Variants in SPIRE2 observed in about 807,000 individuals in gnomAD.
SPIRE2 encodes the protein spire type actin nucleation factor 2, also known as protein spire homolog 2.
SPIRE2 carries 76 observed loss-of-function variants against 80.7 expected under a neutral mutation model. That is an observed-to-expected ratio of 0.94 (90% CI 0.78 to 1.14). The LOEUF (loss-of-function observed/expected upper bound fraction) is 1.14, where lower values mean the gene tolerates loss of function less well. SPIRE2 is among the 50% of genes most tolerant of loss of function. SPIRE2 has a pLI of 0.00. For missense variants in SPIRE2, 1,196 were observed against 1,015.3 expected (o/e 1.18, Z -2.42); for synonymous variants, 535 against 432.6 (o/e 1.24, Z -2.94).
intron 1 of SPIRE2, among the ~76,000 whole-genome samples, chr16:89,842,208 A>ATGTTTTTT (rs2041512449): frequency 1.2e-5 from 1 of 81,306 alleles, no homozygotes; most frequent in African/African-American, 6.1e-5. Context: ...TGAACACGTA[A>ATGTTTTTT]TTTTTTTTTT....
chr16:89,854,307 G>T lies in SPIRE2; in HGVS notation c.667G>T (p.Asp223Tyr). 1 of 1,612,234 alleles carries T rather than the reference G, an allele frequency of 6.2e-7. No homozygotes were observed. The highest frequency in any genetic ancestry group is 8.5e-7 in the Non-Finnish European group (1 of 1,179,740). The change falls in exon 4 of 15, where the codon GAC (aspartate) becomes TAC (tyrosine). Residue 223 changes from aspartate (D) to tyrosine (Y), a missense_variant. Coordinates refer to ENST00000378247, the MANE Select transcript of SPIRE2 (RefSeq NM_032451.2). ...ACAGATGCTGCAGAAGCTTCGGGAG[G>T]ACGAGCCGCATCTGGAGACGCCTCG... ...AKEMLQKLREDEPHLETPRAE... is the reference protein window; with the variant it reads ...AKEMLQKLREYEPHLETPRAE...
chr16:89,829,124 G>A (rs746548433), intron 1 of SPIRE2, among the ~76,000 whole-genome samples: 45 of 152,232 alleles, frequency 3.0e-4, no homozygotes, highest in Non-Finnish European at 5.3e-4. Context: ...GGTGGCTCAG[G>A]GAGCACGGAG....
intron 1 of SPIRE2, among the ~76,000 whole-genome samples, chr16:89,841,386 G>A (rs2041504060): frequency 6.6e-6 from 1 of 152,224 alleles, no homozygotes; most frequent in Middle Eastern, 3.4e-3. Flanking sequence ...CTCTACCCTG[G>A]AGAGAATTTT....
intron 12 of SPIRE2, among the ~76,000 whole-genome samples, chr16:89,865,339 G>C (rs2041780129): frequency 6.6e-6 from 1 of 152,046 alleles, no homozygotes; most frequent in South Asian, 2.1e-4. Flanking sequence ...ACTATGGTAA[G>C]GTGAATCACT....
chr16:89,837,848 A>G (rs570406551), intron 1 of SPIRE2, among the ~76,000 whole-genome samples: 5 of 152,182 alleles, frequency 3.3e-5, no homozygotes, highest in Non-Finnish European at 5.9e-5. Flanking sequence ...TGAGACGAGC[A>G]CTGGCGGAAG....
At chr16:89,841,935 T>A (rs2041509708) in intron 1 of SPIRE2, among the ~76,000 whole-genome samples, 1 of 151,422 alleles carries the variant, frequency 6.6e-6, no homozygotes, top group Non-Finnish European at 1.5e-5. Context: ...TCCCTGTTGG[T>A]CAGGCTGGTC....
chr16:89,837,023 T>A (rs1158975160), intron 1 of SPIRE2, among the ~76,000 whole-genome samples: 3 of 152,012 alleles, frequency 2.0e-5, no homozygotes, highest in African/African-American at 7.2e-5. Flanking sequence ...GCACCCCAGA[T>A]TCCTGTTCTG....
At chr16:89,843,177 G>C (rs1395648314) in intron 1 of SPIRE2, among the ~76,000 whole-genome samples, 1 of 152,168 alleles carries the variant, frequency 6.6e-6, no homozygotes, top group Non-Finnish European at 1.5e-5. Context: ...CGGGGGAGGA[G>C]GGTTGGGGAG....
At chr16:89,869,516 C>T in intron 13 of SPIRE2, 51 bp from the exon 14 acceptor site, 1 of 1,302,982 alleles carries the variant, frequency 7.7e-7, no homozygotes, top group South Asian at 1.2e-5. Flanking sequence ...CTGAGTGTAC[C>T]TGAATGTCTC....
chr16:89,834,906 C>T (rs1415638508), intron 1 of SPIRE2, among the ~76,000 whole-genome samples: 2 of 101,528 alleles, frequency 2.0e-5, no homozygotes, highest in African/African-American at 3.9e-5. Flanking sequence ...CGTAGAAGGC[C>T]CCACAAGCAT....
rs980610685 is a variant in SPIRE2, at chr16:89,870,604, G to C, written c.*332G>C. The C allele has an allele frequency of 1.4e-5, 3 of 216,520 alleles. No homozygotes were observed. The Admixed American group carries it at 1.5e-4, about 11-fold the overall frequency. 13.4% of individuals were successfully genotyped at this position (216,520 alleles called of 1,614,324 possible). A position where few individuals can be genotyped will look rare whatever the true frequency, so the allele number is the denominator to read the frequency against. Reference sequence around the variant, plus strand: ...ATCCCATGTTCCCATGCTCTTCTCCGTCCCCAGGAATGCGAACGGCAGTTT... The same window carrying C: ...ATCCCATGTTCCCATGCTCTTCTCCCTCCCCAGGAATGCGAACGGCAGTTT... On this transcript the variant is annotated 3_prime_UTR_variant, in exon 15 of 15. Transcript: ENST00000378247.
chr16:89,860,943 C>T (rs963479136), intron 10 of SPIRE2, 148 bp downstream of exon 10: 3 of 539,370 alleles, frequency 5.6e-6, no homozygotes, highest in African/African-American at 2.2e-5. Flanking sequence ...GCGGTCTGAA[C>T]ATGGGGCACC....
In SPIRE2 at chr16:89,828,823, G is replaced by A. The variant is rs1012478814; in HGVS notation, c.244+29G>A. On this transcript the variant is annotated intron_variant, in intron 1 of 14. Coordinates refer to ENST00000378247, the MANE Select transcript of SPIRE2 (RefSeq NM_032451.2). The surrounding 1 kb of genome is among the most constrained non-coding windows in gnomAD (Gnocchi z 5.9). Reference sequence around the variant, plus strand: ...AGGCCGGGGGCGGGGCAGCCGGCGGGGACCGCGGTCTGGGGCGTCCGTCCC... The same window carrying A: ...AGGCCGGGGGCGGGGCAGCCGGCGGAGACCGCGGTCTGGGGCGTCCGTCCC... 1.5e-5 allele frequency: 18 copies of A among 1,173,868 alleles called. No homozygotes were observed. Among genetic ancestry groups the A allele is most frequent in the Admixed American group, 9.2e-5 (2 of 21,726 alleles). 72.7% of individuals were successfully genotyped at this position (1,173,868 alleles called of 1,614,324 possible).
At chr16:89,848,133 G>A (rs925539982) in intron 2 of SPIRE2, among the ~76,000 whole-genome samples, 2 of 152,334 alleles carry the variant, frequency 1.3e-5, no homozygotes, top group African/African-American at 4.8e-5. Context: ...TGTGAACAGC[G>A]GCTCTTCCAG....
At chr16:89,869,856 G>C (rs1221371421) in intron 14 of SPIRE2, among the ~76,000 whole-genome samples, 174 bp downstream of exon 14, 1 of 151,430 alleles carries the variant, frequency 6.6e-6, no homozygotes, top group Non-Finnish European at 1.5e-5. Context: ...AGCAGTATGA[G>C]ATGGAAACTG....
intron 3 of SPIRE2, among the ~76,000 whole-genome samples, chr16:89,853,969 G>T (rs913216708): frequency 6.6e-6 from 1 of 152,270 alleles, no homozygotes; most frequent in Non-Finnish European, 1.5e-5. Flanking sequence ...ACTCAGAGAA[G>T]CAGCTCAGCG....
chr16:89,860,948 G>T (rs2041738886), intron 10 of SPIRE2, among the ~76,000 whole-genome samples, 153 bp downstream of exon 10: 1 of 152,168 alleles, frequency 6.6e-6, no homozygotes, highest in African/African-American at 2.4e-5. Flanking sequence ...CTGAACATGG[G>T]GCACCAGTGG....
At position 89,828,794 on chromosome 16, in the gene SPIRE2, G is replaced by A; in HGVS notation, c.244G>A (p.Glu82Lys). The A allele has an allele frequency of 8.5e-7, 1 of 1,181,090 alleles. No homozygotes were observed. The highest frequency in any genetic ancestry group is 1.0e-6 in the Non-Finnish European group (1 of 955,286). 73.2% of individuals were successfully genotyped at this position (1,181,090 alleles called of 1,614,324 possible). ...CGGGGCGCGGGAGCCCGAGGCCGCG[G>A]GTGAGGCCGGGGGCGGGGCAGCCGG... ...SVGAREPEAA[E>K]PATMVVPLAS... Residue 82 changes from glutamate (E) to lysine (K), a missense_variant and splice_region_variant, in exon 1 of 15, where the codon GAA becomes AAA. By Grantham distance (56) the Glu-to-Lys change is moderately conservative (BLOSUM62 1). Coordinates refer to ENST00000378247, the MANE Select transcript of SPIRE2 (RefSeq NM_032451.2). The surrounding 1 kb of genome is among the most constrained non-coding windows in gnomAD (Gnocchi z 5.9).
chr16:89,836,822 AAAAAAAAAAAG>A (rs2041454663), intron 1 of SPIRE2, among the ~76,000 whole-genome samples: 1 of 150,970 alleles, frequency 6.6e-6, no homozygotes, highest in Admixed American at 6.6e-5. Flanking sequence ...TCTACTGAAA[AAAAAAAAAAAG>A]AAAAAAAGAA....
Sources: allele counts gnomAD v4.1 joint callset (sites outside exome capture counted in the v4.1 genomes callset), GRCh38; gene constraint gnomAD v4.1.1; non-coding constraint Gnocchi (gnomAD v3.1); transcripts MANE v1.5; gene names NCBI Gene and HGNC (gene_info 2026-07-23, HGNC 2026-07-21).